The following COL4A5 variants were observed in gnomAD, a reference collection of about 807,000 sequenced individuals.
COL4A5 encodes the protein collagen alpha-5(IV) chain.
COL4A5 carries 26 observed loss-of-function variants against 130.2 expected under a neutral mutation model. The ratio of observed to expected loss-of-function variants is 0.20; its 90% confidence interval spans 0.15 to 0.28. COL4A5 has a LOEUF of 0.28. Ranked by LOEUF, COL4A5 falls within the 10% of genes least tolerant of loss-of-function variation. The pLI, the probability that COL4A5 is intolerant of heterozygous loss-of-function variation, is 1.00. For synonymous variants in COL4A5, 496 were observed against 439.6 expected (o/e 1.13, Z -1.60); for missense variants, 1,131 against 1,344.3 (o/e 0.84, Z 2.48).
At chrX:108,563,786 G>A in intron 3 of COL4A5, 96 bp from the exon 4 acceptor site, 1 of 697,113 alleles carries the variant, frequency 1.4e-6, no homozygotes, top group African/African-American at 2.1e-5. Context: ...TTTCACAGAT[G>A]TTTACAGTAG....
intron 2 of COL4A5, among the ~76,000 whole-genome samples, chrX:108,547,680 T>C (rs2065682667): frequency 8.9e-6 from 1 of 111,985 alleles, no homozygotes; most frequent in Non-Finnish European, 1.9e-5. Flanking sequence ...CTGCTGCCTT[T>C]TGTTCAGCTA....
chrX:108,495,328 C>T (rs890209146), intron 1 of COL4A5, among the ~76,000 whole-genome samples: 7 of 111,131 alleles, frequency 6.3e-5, no homozygotes, highest in African/African-American at 2.3e-4. Flanking sequence ...ATACCAAAAG[C>T]CTAGTTCATG....
intron 10 of COL4A5, among the ~76,000 whole-genome samples, chrX:108,576,320 ATTGT>A (rs2066149699): frequency 8.9e-6 from 1 of 111,971 alleles, no homozygotes; most frequent in African/African-American, 3.2e-5. Context: ...TCAAACTGCA[ATTGT>A]TTGTTTAAGA....
chrX:108,491,143 C>T (rs961897773), intron 1 of COL4A5, among the ~76,000 whole-genome samples: 4 of 111,669 alleles, frequency 3.6e-5, no homozygotes, highest in Non-Finnish European at 7.5e-5. Context: ...TGGTAGAATA[C>T]TCATGAAAGT....
intron 47 of COL4A5, among the ~76,000 whole-genome samples, chrX:108,684,933 G>C (rs1327224572): frequency 8.9e-6 from 1 of 112,405 alleles, no homozygotes; most frequent in Non-Finnish European, 1.9e-5. Context: ...TTGCTGGGAT[G>C]CAAAGCTGGT....
intron 1 of COL4A5, among the ~76,000 whole-genome samples, chrX:108,507,247 C>CAAAA (rs1195605237): frequency 9.8e-5 from 5 of 50,854 alleles, no homozygotes; most frequent in Non-Finnish European, 1.2e-4. Flanking sequence ...ACAACAACAA[C>CAAAA]AAAAAAAAAA....
At chrX:108,683,962 A>T (rs1481279811) in intron 47 of COL4A5, among the ~76,000 whole-genome samples, 1 of 111,536 alleles carries the variant, frequency 9.0e-6, no homozygotes, top group Non-Finnish European at 1.9e-5. Flanking sequence ...TAAGAAACTC[A>T]CTCAAAACCG....
intron 35 of COL4A5, 46 bp from the exon 36 acceptor site, chrX:108,626,164 G>C: frequency 2.6e-6 from 3 of 1,167,094 alleles, no homozygotes; most frequent in Non-Finnish European, 3.5e-6. Flanking sequence ...TAATCCACAA[G>C]TAAAGCATAT....
At chrX:108,677,409 A>C in intron 43 of COL4A5, 91 bp from the exon 44 acceptor site, 5 of 905,264 alleles carry the variant, frequency 5.5e-6, no homozygotes, top group Non-Finnish European at 6.2e-6. Flanking sequence ...TCTGCAAACT[A>C]ATAGGAAGAT....
chrX:108,524,197 T>C (rs762695325), intron 1 of COL4A5, among the ~76,000 whole-genome samples: 4 of 111,930 alleles, frequency 3.6e-5, no homozygotes, highest in African/African-American at 6.5e-5. Context: ...ATAGAACCTG[T>C]AGGATTATGT....
intron 9 of COL4A5, among the ~76,000 whole-genome samples, 180 bp from the exon 10 acceptor site, chrX:108,575,730 A>G (rs2066134291): frequency 8.9e-6 from 1 of 112,006 alleles, no homozygotes; most frequent in African/African-American, 3.2e-5. Flanking sequence ...TCAGCTACTC[A>G]GGAGGCTGAG....
At chrX:108,585,626 G>A (rs1009818783) in intron 18 of COL4A5, among the ~76,000 whole-genome samples, 4 of 111,096 alleles carry the variant, frequency 3.6e-5, no homozygotes, top group African/African-American at 1.3e-4. Flanking sequence ...CTGCTATTAG[G>A]TGTTGATTTG....
chrX:108,459,495 G>GT (rs2064621549), intron 1 of COL4A5, among the ~76,000 whole-genome samples: 1 of 112,196 alleles, frequency 8.9e-6, no homozygotes, highest in South Asian at 3.7e-4. Context: ...TCTGCTTTCA[G>GT]TTTTTTGATA....
intron 36 of COL4A5, among the ~76,000 whole-genome samples, chrX:108,643,342 C>A (rs762813237): frequency 9.0e-6 from 1 of 111,681 alleles, no homozygotes; most frequent in Non-Finnish European, 1.9e-5. Flanking sequence ...ACCTAGACAT[C>A]CAAATACAAG....
chrX:108,679,190 C>T (rs747674003), intron 44 of COL4A5, among the ~76,000 whole-genome samples: 2 of 112,015 alleles, frequency 1.8e-5, no homozygotes, highest in East Asian at 5.6e-4. Flanking sequence ...TTAGGTTTTT[C>T]CTTGCAACTA....
At chrX:108,564,441 G>A (rs1350733392) in intron 4 of COL4A5, among the ~76,000 whole-genome samples, 1 of 111,829 alleles carries the variant, frequency 8.9e-6, no homozygotes, top group Admixed American at 9.5e-5. Context: ...CAAATCTAAC[G>A]TGCATGACTT....
In COL4A5 at chrX:108,483,214, T is replaced by C. The variant is rs1366110377; in HGVS notation, c.81+43008T>C. ...AGAACTAATAGGATATGTGTGTGTG[T>C]GTGTGTGTATGTGTGTGTGTGTGTG... On this transcript the variant is annotated intron_variant, in intron 1 of 52. Transcript: ENST00000328300. Among the ~76,000 whole-genome samples the C allele has an allele frequency of 9.3e-5, 9 of 96,689 alleles. No homozygotes were observed. In the Admixed American group the frequency reaches 1.0e-3, roughly 11 times the overall value. 84.0% of individuals were successfully genotyped at this position (96,689 alleles called of 115,157 possible).
At chrX:108,447,338 A>T (rs1330094746) in intron 1 of COL4A5, among the ~76,000 whole-genome samples, 2 of 111,785 alleles carry the variant, frequency 1.8e-5, no homozygotes, top group African/African-American at 6.5e-5. Context: ...ACTGGTTAGT[A>T]CATACGGAAT....
intron 1 of COL4A5, among the ~76,000 whole-genome samples, chrX:108,492,619 A>C (rs2065002235): frequency 8.9e-6 from 1 of 111,769 alleles, no homozygotes; most frequent in African/African-American, 3.2e-5. Flanking sequence ...CTAATTGAAC[A>C]AGTAAAATGG....
Sources: allele counts gnomAD v4.1 joint callset (sites outside exome capture counted in the v4.1 genomes callset), GRCh38; gene constraint gnomAD v4.1.1; transcripts MANE v1.5; gene names NCBI Gene and HGNC (gene_info 2026-07-23, HGNC 2026-07-21).